FAM98C: variants seen among roughly 807,000 people sequenced by gnomAD.
The protein encoded by FAM98C is tRNA splicing ligase complex subunit 3C.
A neutral mutation model predicts 41.1 loss-of-function variants in FAM98C; 38 were observed. The ratio of observed to expected loss-of-function variants is 0.92; its 90% confidence interval spans 0.71 to 1.21. FAM98C has a LOEUF of 1.21. Among genes scored for constraint, FAM98C ranks in the 50% most tolerant of loss-of-function variants. The probability of loss-of-function intolerance (pLI) is 0.00; values close to 1 mark genes in which losing one functional copy is unlikely to be tolerated. For synonymous variants in FAM98C, 195 were observed against 216.7 expected (o/e 0.90, Z 0.88); for missense variants, 493 against 484.7 (o/e 1.02, Z -0.16).
Position 38,403,600 on chromosome 19 carries a change from C to G in FAM98C, c.255C>G (p.Ser85Arg). The change falls in exon 3 of 8, where the codon AGC (serine) becomes AGG (arginine). Residue 85 changes from serine (S) to arginine (R), a missense_variant. Ser to Arg is a moderately radical substitution (Grantham distance 110). Coordinates refer to ENST00000252530, the MANE Select transcript of FAM98C (RefSeq NM_174905.4). ...AEEDFLRQLGSLLRELHCPDR... is the reference protein window; with the variant it reads ...AEEDFLRQLGRLLRELHCPDR... ...AGGACTTTCTGCGGCAGCTCGGCAG[C>G]CTGCTGCGGGAGCTGCACTGCCCGG... 2 of 1,497,426 alleles carry G rather than the reference C, an allele frequency of 1.3e-6. No homozygotes were observed. The highest frequency in any genetic ancestry group is 1.8e-6 in the Non-Finnish European group (2 of 1,133,820). 92.8% of individuals were successfully genotyped at this position (1,497,426 alleles called of 1,614,324 possible).
At chr19:38,406,570 G>A (rs1004036821) in intron 6 of FAM98C, 10 of 203,286 alleles carry the variant, frequency 4.9e-5, no homozygotes, top group African/African-American at 2.3e-4. Context: ...GAGCTCAGAA[G>A]TTTGAGACCA....
Position 38,408,587 on chromosome 19 carries a change from A to C in FAM98C, c.919-164A>C, listed in dbSNP as rs1182100257. 7.4e-6 allele frequency: 6 copies of C among 813,230 alleles called. No individual in the cohort carries two copies. In the African/African-American group the frequency reaches 1.1e-4, roughly 14 times the overall value. 50.4% of individuals were successfully genotyped at this position (813,230 alleles called of 1,614,324 possible). Reference sequence around the variant, plus strand: ...AAAAAGAAAAGAAAAAAGAAAGCTCATGCTAGTATCTTCCACCAGTTCAGT... The same window carrying C: ...AAAAAGAAAAGAAAAAAGAAAGCTCCTGCTAGTATCTTCCACCAGTTCAGT... On this transcript the variant is annotated intron_variant, in intron 7 of 7. Coordinates refer to ENST00000252530, the MANE Select transcript of FAM98C (RefSeq NM_174905.4).
chr19:38,407,000 G>A lies in FAM98C; in HGVS notation c.841G>A (p.Ala281Thr). Residue 281 changes from alanine (A) to threonine (T), a missense_variant, in exon 7 of 8, where the codon GCC becomes ACC. Coordinates refer to ENST00000252530, the MANE Select transcript of FAM98C (RefSeq NM_174905.4). ...SDISIAHVLA[A>T]RADLSCLVPA... ...CATCTCCATTGCACACGTTCTGGCTGCCCGAGCCGACCTGTCTTGTCTCGT... is the reference window on the plus strand; with the variant it reads ...CATCTCCATTGCACACGTTCTGGCTACCCGAGCCGACCTGTCTTGTCTCGT... 6.2e-7 allele frequency: 1 copy of A among 1,614,174 alleles called. No individual in the cohort carries two copies. The highest frequency in any genetic ancestry group is 8.5e-7 in the Non-Finnish European group (1 of 1,180,048).
chr19:38,408,010 CAG>C (rs1210871099), intron 7 of FAM98C: 3 of 151,466 alleles, frequency 2.0e-5, no homozygotes, highest in Admixed American at 6.6e-5. Flanking sequence ...AAACAAAAAA[CAG>C]AAATACCCTC....
intron 7 of FAM98C, 35 bp downstream of exon 7, chr19:38,407,112 C>G: frequency 6.2e-7 from 1 of 1,603,028 alleles, no homozygotes; most frequent in Non-Finnish European, 8.5e-7. Context: ...CCCTGGCATC[C>G]TTGGCCTTCA....
At chr19:38,405,722 A>C in intron 6 of FAM98C, 87 bp downstream of exon 6, 1 of 1,286,914 alleles carries the variant, frequency 7.8e-7, no homozygotes, top group South Asian at 1.2e-5. Flanking sequence ...GGCCAGGAGT[A>C]TCACCCTCTT....
chr19:38,403,543 C>A lies in FAM98C; in HGVS notation c.215-17C>A, dbSNP rs749525070. The stretch of plus-strand genomic sequence containing the variant: ...CCGCCACGGGGCCACCGAGCCCTGA[C>A]ACCCCTGTCCTCGCAGGCCCTGGCG... On this transcript the variant is annotated splice_polypyrimidine_tract_variant and intron_variant, in intron 2 of 7. Coordinates refer to ENST00000252530, the MANE Select transcript of FAM98C (RefSeq NM_174905.4). 2 of 1,479,490 alleles carry A rather than the reference C, an allele frequency of 1.4e-6. No homozygotes were observed. Among genetic ancestry groups the A allele is most frequent in the Non-Finnish European group, 1.8e-6 (2 of 1,124,222 alleles). The allele number at this position is 1,479,490 out of a possible 1,614,324, so 91.6% of individuals were successfully genotyped here.
At chr19:38,408,626 G>A (rs1436031934) in intron 7 of FAM98C, 125 bp from the exon 8 acceptor site, 8 of 1,252,380 alleles carry the variant, frequency 6.4e-6, no homozygotes, top group South Asian at 1.2e-5. Flanking sequence ...CCCTCCCCCA[G>A]CCACTGTACT....
intron 7 of FAM98C, 51 bp from the exon 8 acceptor site, chr19:38,408,700 C>G (rs1003192888): frequency 6.2e-7 from 1 of 1,613,768 alleles, no homozygotes; most frequent in Non-Finnish European, 8.5e-7. Context: ...CTCTGGCCCC[C>G]TTGTCCAAGA....
At position 38,403,574 on chromosome 19, in the gene FAM98C, G is replaced by A; in HGVS notation, c.229G>A (p.Glu77Lys). The change falls in exon 3 of 8, where the codon GAG (glutamate) becomes AAG (lysine). Residue 77 changes from glutamate to lysine, a missense_variant. Glu to Lys is a moderately conservative substitution (Grantham distance 56). Transcript: ENST00000252530. ...TGTCCTCGCAGGCCCTGGCGCGGAG[G>A]AGGACTTTCTGCGGCAGCTCGGCAG... ...LSAGDGPGAE[E>K]DFLRQLGSLL... 1.3e-6 allele frequency: 2 copies of A among 1,498,936 alleles called. No individual in the cohort carries two copies. The highest frequency in any genetic ancestry group is 1.8e-6 in the Non-Finnish European group (2 of 1,133,746). 92.9% of individuals were successfully genotyped at this position (1,498,936 alleles called of 1,614,324 possible).
At chr19:38,408,671 T>C (rs1477502988) in intron 7 of FAM98C, 80 bp from the exon 8 acceptor site, 86 of 1,589,934 alleles carry the variant, frequency 5.4e-5, no homozygotes, top group Non-Finnish European at 7.3e-5. Flanking sequence ...TTCTTCAGCC[T>C]CATGCTGTTC....
chr19:38,405,697 G>A, intron 6 of FAM98C, 62 bp downstream of exon 6: 2 of 1,520,114 alleles, frequency 1.3e-6, no homozygotes, highest in East Asian at 4.5e-5. Context: ...TGCAGTTGCA[G>A]GGAGGAGGAA....
At chr19:38,407,637 G>A (rs1258779418) in intron 7 of FAM98C, 5 of 152,192 alleles carry the variant, frequency 3.3e-5, no homozygotes, top group African/African-American at 1.2e-4. Flanking sequence ...CTAAAGTGCT[G>A]GGATTACAGG....
At position 38,408,759 on chromosome 19, in the gene FAM98C, G is replaced by C; in HGVS notation, c.927G>C (p.Met309Ile). 3.1e-6 allele frequency: 5 copies of C among 1,614,078 alleles called. No individual in the cohort carries two copies. Among genetic ancestry groups the C allele is most frequent in the Non-Finnish European group, 4.2e-6 (5 of 1,180,004 alleles). The change falls in exon 8 of 8, where the codon ATG becomes ATC. Residue 309 changes from methionine (M) to isoleucine (I), a missense_variant. Physicochemically the swap from Met to Ile is conservative, Grantham distance 10 (BLOSUM62 1). Transcript: ENST00000252530. ...ATCTCATAAACTCTCAGGTGCTTAT[G>C]GGCAACGTTCCAGACCGGGGGGGCC... ...GTCCAINKVL[M>I]GNVPDRGGRP...
chr19:38,405,797 T>A (rs1971031676), intron 6 of FAM98C, 162 bp downstream of exon 6: 1 of 634,990 alleles, frequency 1.6e-6, no homozygotes, highest in Non-Finnish European at 2.7e-6. Flanking sequence ...AATCTCAGGG[T>A]CCCAGGGTAT....
intron 4 of FAM98C, 80 bp from the exon 5 acceptor site, chr19:38,405,264 C>A: frequency 6.4e-7 from 1 of 1,552,284 alleles, no homozygotes; most frequent in Non-Finnish European, 8.8e-7. Context: ...GGCCTAGGTC[C>A]TCAGGGGTGT....
At chr19:38,405,758 T>C (rs1000440222) in intron 6 of FAM98C, 123 bp downstream of exon 6, 125 of 926,718 alleles carry the variant, frequency 1.3e-4, no homozygotes, top group South Asian at 7.8e-4. Context: ...ATGGACATTT[T>C]ATAATTTTTT....
In FAM98C at chr19:38,403,177, G is replaced by T. The variant is rs757105888; in HGVS notation, c.24G>T (p.Ala8=). The change falls in exon 1 of 8, where the codon GCG becomes GCT. Residue 8 remains alanine (A), a synonymous_variant. Transcript: ENST00000252530. MEAVKAE[A]WEGAAVAQDL... Reference sequence around the variant, plus strand: ...TCATGGAGGCGGTGAAGGCGGAAGCGTGGGAGGGGGCCGCGGTGGCCCAGG... The same window carrying T: ...TCATGGAGGCGGTGAAGGCGGAAGCTTGGGAGGGGGCCGCGGTGGCCCAGG... 4.6e-6 allele frequency: 7 copies of T among 1,534,016 alleles called. No individual in the cohort carries two copies. In the Admixed American group the frequency reaches 1.4e-4, roughly 31 times the overall value.
intron 7 of FAM98C, 164 bp downstream of exon 7, chr19:38,407,241 G>A: frequency 1.4e-6 from 1 of 704,824 alleles, no homozygotes. Context: ...GGACTCCCCA[G>A]CTCAGAATGC....
Sources: gnomAD v4.1 joint callset for allele counts on GRCh38, gnomAD v4.1.1 for gene constraint, MANE v1.5 for transcripts, NCBI Gene and HGNC (gene_info 2026-07-23, HGNC 2026-07-21) for gene names.